ARHGEF4: variants seen among roughly 807,000 people sequenced by gnomAD.
ARHGEF4 encodes the protein Rho guanine nucleotide exchange factor 4, also known as APC-stimulated guanine nucleotide exchange factor 1.
Under a neutral mutation model 162.0 loss-of-function variants are expected in ARHGEF4, and 119 were observed. The ratio of observed to expected loss-of-function variants is 0.73; its 90% CI spans 0.63 to 0.86. The LOEUF (loss-of-function observed/expected upper bound fraction) is 0.86. Among genes scored for constraint, ARHGEF4 ranks in the 40% least tolerant of loss-of-function variants. ARHGEF4 has a pLI of 0.00. For missense variants in ARHGEF4, 2,488 were observed against 2,456.0 expected, an observed-to-expected ratio of 1.01 and a Z score of -0.28; for synonymous variants, 1,014 against 979.9, an observed-to-expected ratio of 1.03 and a Z score of -0.65.
rs550427630 is a variant in ARHGEF4, at chr2:130,890,823, G to T, written c.40-23163G>T. 9.2e-5 allele frequency among the ~76,000 whole-genome samples: 14 copies of T among 152,052 alleles called. 1 individual carries two copies. Among genetic ancestry groups the T allele is most frequent in the Admixed American group, 7.2e-4 (11 of 15,282 alleles). On this transcript the variant is annotated intron_variant, in intron 1 of 13. Transcript: ENST00000409359. ...AAACATAGTAAACATACTTGTTTTC[G>T]TTTGAGGCACTTTGCATTTATTATC...
chr2:131,018,537 C>T (rs770273940), intron 4 of ARHGEF4, among the ~76,000 whole-genome samples: 6 of 152,064 alleles, frequency 3.9e-5, no homozygotes, highest in Non-Finnish European at 7.4e-5. Context: ...ATATTTTCTT[C>T]CATTCTATGG....
At position 130,958,026 on chromosome 2, in the gene ARHGEF4, AAG is replaced by A. The variant is rs552105271; in HGVS notation, c.3985+11393_3985+11394del. ...GTTTTTAAAAGGAACAAAAAAAAAA[AAG>A]AAAGAAGCAGGGGTAAAGGCTCCCC... On this transcript the variant is annotated intron_variant, in intron 4 of 13. Coordinates refer to ENST00000409359, the MANE Select transcript of ARHGEF4 (RefSeq NM_001367493.1). 8.8e-3 allele frequency among the ~76,000 whole-genome samples: 1,330 copies of A among 150,430 alleles called. 15 individuals carry two copies. Among genetic ancestry groups the A allele is most frequent in the African/African-American group, 0.03 (1,224 of 40,238 alleles).
chr2:131,032,404 G>A (rs1407836991), intron 5 of ARHGEF4, among the ~76,000 whole-genome samples: 1 of 151,892 alleles, frequency 6.6e-6, no homozygotes, highest in Non-Finnish European at 1.5e-5. Flanking sequence ...CGTGCCGCTG[G>A]ACATCCCTCC....
intron 11 of ARHGEF4, among the ~76,000 whole-genome samples, chr2:131,044,021 G>A (rs991621587): frequency 6.6e-6 from 1 of 152,142 alleles, no homozygotes; most frequent in Non-Finnish European, 1.5e-5. Context: ...TTTCCTACGT[G>A]TGGTGTGAGC....
At chr2:130,961,068 ACACCTCAGGC>A (rs1415560574) in intron 4 of ARHGEF4, among the ~76,000 whole-genome samples, 1 of 152,090 alleles carries the variant, frequency 6.6e-6, no homozygotes, top group Non-Finnish European at 1.5e-5. Flanking sequence ...ACTTAGCAAC[ACACCTCAGGC>A]CCCTGAAAGT....
At chr2:130,852,408 G>A (rs1681471636) in intron 1 of ARHGEF4, among the ~76,000 whole-genome samples, 2 of 152,196 alleles carry the variant, frequency 1.3e-5, no homozygotes, top group Non-Finnish European at 2.9e-5. Flanking sequence ...CAGGCACAAG[G>A]CACAACATCG....
intron 1 of ARHGEF4, among the ~76,000 whole-genome samples, chr2:130,870,117 A>G (rs1463122673): frequency 1.3e-5 from 2 of 152,172 alleles, no homozygotes; most frequent in Non-Finnish European, 2.9e-5. Context: ...CAACCCCTGC[A>G]GGGCCTCAGA....
At chr2:130,900,928 T>C (rs1191144850) in intron 1 of ARHGEF4, among the ~76,000 whole-genome samples, 1 of 152,180 alleles carries the variant, frequency 6.6e-6, no homozygotes, top group African/African-American at 2.4e-5. Context: ...GCTATCCTGG[T>C]TGGCTTCTCG....
At chr2:131,022,326 A>G (rs1689184136) in intron 4 of ARHGEF4, among the ~76,000 whole-genome samples, 1 of 151,974 alleles carries the variant, frequency 6.6e-6, no homozygotes, top group Non-Finnish European at 1.5e-5. Context: ...TTACTCTTCA[A>G]TTTCCCTACC....
At chr2:130,961,552 AGGTCTTACGAAGTG>A (rs1348780583) in intron 4 of ARHGEF4, among the ~76,000 whole-genome samples, 1 of 152,154 alleles carries the variant, frequency 6.6e-6, no homozygotes, top group East Asian at 1.9e-4. Context: ...AGCATCCCCC[AGGTCTTACGAAGTG>A]TGAAGGGAAG....
At chr2:130,995,427 C>T (rs147790174) in intron 4 of ARHGEF4, among the ~76,000 whole-genome samples, 21 of 152,196 alleles carry the variant, frequency 1.4e-4, no homozygotes, top group African/African-American at 1.9e-4. Flanking sequence ...TCCGTGAGCC[C>T]GCGAGTATAT....
chr2:130,887,994 T>TAC (rs766080369), intron 1 of ARHGEF4, among the ~76,000 whole-genome samples: 4 of 152,058 alleles, frequency 2.6e-5, no homozygotes, highest in African/African-American at 4.8e-5. Context: ...AGGAGGCAGG[T>TAC]GTGTGCAGCT....
chr2:130,919,873 CTCAAA>C (rs1198126346), intron 2 of ARHGEF4, among the ~76,000 whole-genome samples: 1 of 141,610 alleles, frequency 7.1e-6, no homozygotes, highest in Non-Finnish European at 1.5e-5. Context: ...GAGACTCCCT[CTCAAA>C]AAAAAAAAAA....
chr2:130,839,027 T>A (rs1046085923), intron 1 of ARHGEF4, among the ~76,000 whole-genome samples: 1 of 152,142 alleles, frequency 6.6e-6, no homozygotes, highest in Non-Finnish European at 1.5e-5. Context: ...CTGTAGGTCC[T>A]GAGACACCTG....
intron 1 of ARHGEF4, among the ~76,000 whole-genome samples, chr2:130,886,174 A>G (rs1022798499): frequency 6.6e-6 from 1 of 151,864 alleles, no homozygotes; most frequent in South Asian, 2.1e-4. Flanking sequence ...TGCTTACCCA[A>G]TTTGGCCCTT....
At chr2:131,007,504 G>T (rs1312550585) in intron 4 of ARHGEF4, among the ~76,000 whole-genome samples, 1 of 151,982 alleles carries the variant, frequency 6.6e-6, no homozygotes. Context: ...ATATAAACGT[G>T]TTTGTTGCTT....
intron 1 of ARHGEF4, among the ~76,000 whole-genome samples, chr2:130,875,359 A>C (rs971087005): frequency 7.9e-5 from 12 of 152,140 alleles, no homozygotes; most frequent in African/African-American, 2.9e-4. Flanking sequence ...CTGTTGCTAT[A>C]ACTGAATACC....
At position 131,012,901 on chromosome 2, in the gene ARHGEF4, G is replaced by T. The variant is rs561801994; in HGVS notation, c.3986-15044G>T. On this transcript the variant is annotated intron_variant, in intron 4 of 13. Transcript: ENST00000409359. ...TGGCTATGTGCCAGGACATTCAGCA[G>T]TTGACTGTGGAGAGCACAGTGGAAA... Among the ~76,000 whole-genome samples the T allele has an allele frequency of 1.7e-3, 264 of 152,342 alleles. 5 individuals are homozygous for T. The highest frequency in any genetic ancestry group is 0.017 in the Admixed American group (262 of 15,296).
Position 131,040,447 on chromosome 2 carries a change from G to C in ARHGEF4, c.4662+7G>C, listed in dbSNP as rs1483557250. ...TGCCTGCTTCCTGGAGCATGTGAGC[G>C]CGCGGCCCCCGGCCCCTACCTGGGC... On this transcript the variant is annotated splice_region_variant and intron_variant, in intron 8 of 13. Coordinates refer to ENST00000409359, the MANE Select transcript of ARHGEF4 (RefSeq NM_001367493.1). 3 of 1,562,902 alleles carry C rather than the reference G, an allele frequency of 1.9e-6. No individual in the cohort carries two copies. Among genetic ancestry groups the C allele is most frequent in the Non-Finnish European group, 2.6e-6 (3 of 1,154,044 alleles).
Sources: allele counts gnomAD v4.1 joint callset (sites outside exome capture counted in the v4.1 genomes callset), GRCh38; gene constraint gnomAD v4.1.1; transcripts MANE v1.5; gene names NCBI Gene and HGNC (gene_info 2026-07-23, HGNC 2026-07-21).